Variants in EYS observed in about 807,000 individuals in gnomAD.
The protein encoded by EYS is EGF-like photoreceptor maintenance factor.
EYS carries 250 observed loss-of-function variants against 282.1 expected under a neutral mutation model. The ratio of observed to expected loss-of-function variants is 0.89; its 90% CI spans 0.80 to 0.98. The LOEUF (loss-of-function observed/expected upper bound fraction) is 0.98, where lower values mean the gene tolerates loss of function less well. Among genes scored for constraint, EYS ranks in the 50% least tolerant of loss-of-function variants. The pLI is 0.00. For missense variants in EYS, 4,016 were observed against 3,709.0 expected, an observed-to-expected ratio of 1.08 and a Z score of -2.15; for synonymous variants, 1,355 against 1,282.9, an observed-to-expected ratio of 1.06 and a Z score of -1.20.
In EYS at chr6:65,383,580, T is replaced by A. The variant is rs568954052; in HGVS notation, c.1299+806A>T. ...TTTCTTGTCTTATTTCTCAAAAAAA[T>A]TATTTTTTGAAAAAAAAAAGCTTTG... On this transcript the variant is annotated intron_variant, in intron 8 of 42. Transcript: ENST00000503581. Among the ~76,000 whole-genome samples, 6 of 151,766 alleles carry A rather than the reference T, an allele frequency of 4.0e-5. No homozygotes were observed. The East Asian group carries it at 5.8e-4, about 15-fold the overall frequency.
intron 33 of EYS, among the ~76,000 whole-genome samples, chr6:63,999,799 A>T (rs1362912277): frequency 2.6e-5 from 4 of 152,212 alleles, no homozygotes; most frequent in Non-Finnish European, 5.9e-5. Context: ...ACAACTGAAA[A>T]TTTATCAGAG....
intron 35 of EYS, among the ~76,000 whole-genome samples, chr6:63,914,524 C>G (rs1205946814): frequency 1.3e-5 from 2 of 152,228 alleles, no homozygotes; most frequent in East Asian, 3.9e-4. Context: ...GCCTGGCCAA[C>G]AGGGTGAAAC....
chr6:64,823,732 A>G (rs1764967221), intron 19 of EYS, among the ~76,000 whole-genome samples: 1 of 151,946 alleles, frequency 6.6e-6, no homozygotes, highest in Non-Finnish European at 1.5e-5. Flanking sequence ...TGAAACTTCC[A>G]GGTCACACAG....
chr6:63,915,508 A>G (rs1764399887), intron 35 of EYS, among the ~76,000 whole-genome samples: 1 of 152,222 alleles, frequency 6.6e-6, no homozygotes, highest in Non-Finnish European at 1.5e-5. Flanking sequence ...CCCATGAATT[A>G]AGGAGTATTT....
intron 31 of EYS, among the ~76,000 whole-genome samples, chr6:64,105,190 C>T (rs986922071): frequency 2.0e-5 from 3 of 151,990 alleles, no homozygotes; most frequent in African/African-American, 7.2e-5. Context: ...TTCCTACCCA[C>T]TCTATGGAAG....
intron 31 of EYS, among the ~76,000 whole-genome samples, chr6:64,158,062 G>T (rs1277825930): frequency 6.6e-6 from 1 of 152,216 alleles, no homozygotes; most frequent in Non-Finnish European, 1.5e-5. Flanking sequence ...GGGTGGAGCT[G>T]CCCAAGACCA....
intron 8 of EYS, among the ~76,000 whole-genome samples, chr6:65,377,601 A>T (rs1765422560): frequency 6.6e-6 from 1 of 152,144 alleles, no homozygotes; most frequent in East Asian, 1.9e-4. Context: ...TCTTTTGAAA[A>T]GATTAAAAAA....
chr6:65,606,568 T>C (rs895826422), intron 2 of EYS, among the ~76,000 whole-genome samples: 49 of 151,812 alleles, frequency 3.2e-4, no homozygotes, highest in African/African-American at 1.2e-3. Context: ...TTTTGGACAA[T>C]GACAATCGTA....
intron 7 of EYS, among the ~76,000 whole-genome samples, chr6:65,389,606 T>C (rs555626687): frequency 6.6e-6 from 1 of 152,240 alleles, no homozygotes; most frequent in South Asian, 2.1e-4. Flanking sequence ...AAAGTGTTCA[T>C]ATCCATGATA....
chr6:65,346,597 C>T (rs186116145), intron 9 of EYS, among the ~76,000 whole-genome samples: 8 of 151,040 alleles, frequency 5.3e-5, no homozygotes, highest in East Asian at 3.9e-4. Context: ...TATGAGAAAA[C>T]GAGGGGATCA....
chr6:65,580,089 A>G (rs1305224642), intron 2 of EYS, among the ~76,000 whole-genome samples: 1 of 152,154 alleles, frequency 6.6e-6, no homozygotes, highest in African/African-American at 2.4e-5. Flanking sequence ...TACAGACCTA[A>G]GACACATGCA....
intron 24 of EYS, among the ~76,000 whole-genome samples, 172 bp downstream of exon 24, chr6:64,617,246 G>C (rs778589510): frequency 2.1e-4 from 32 of 152,042 alleles, no homozygotes; most frequent in Admixed American, 5.9e-4. Flanking sequence ...AGTGATGCAC[G>C]GACAACAAGG....
At chr6:64,909,514 A>G (rs1338081169) in intron 16 of EYS, among the ~76,000 whole-genome samples, 2 of 152,124 alleles carry the variant, frequency 1.3e-5, no homozygotes, top group African/African-American at 4.8e-5. Context: ...GTGCCAAACT[A>G]ATAAGATTTT....
At chr6:64,238,558 C>A (rs1766687082) in intron 30 of EYS, among the ~76,000 whole-genome samples, 1 of 152,114 alleles carries the variant, frequency 6.6e-6, no homozygotes, top group Admixed American at 6.6e-5. Context: ...CTCCCCACTT[C>A]TGAGTCTCCA....
intron 29 of EYS, among the ~76,000 whole-genome samples, chr6:64,361,024 G>C (rs1403215679): frequency 6.6e-6 from 1 of 151,768 alleles, no homozygotes; most frequent in Non-Finnish European, 1.5e-5. Flanking sequence ...ATCTCAGGGA[G>C]AAACAAACAT....
chr6:65,497,821 T>C (rs1357604047), intron 2 of EYS, among the ~76,000 whole-genome samples: 2 of 152,042 alleles, frequency 1.3e-5, no homozygotes, highest in African/African-American at 4.8e-5. Flanking sequence ...AGGACCAACA[T>C]GTTGTGTCGT....
At chr6:64,862,781 A>G (rs746659991) in intron 19 of EYS, among the ~76,000 whole-genome samples, 1 of 152,144 alleles carries the variant, frequency 6.6e-6, no homozygotes, top group African/African-American at 2.4e-5. Context: ...AAGAAAATAT[A>G]TTATTCAATT....
chr6:65,569,349 G>A (rs1374114745), intron 2 of EYS, among the ~76,000 whole-genome samples: 2 of 152,046 alleles, frequency 1.3e-5, no homozygotes, highest in Non-Finnish European at 2.9e-5. Flanking sequence ...GCACCCAGAT[G>A]AAATAAACTG....
intron 22 of EYS, among the ~76,000 whole-genome samples, chr6:64,723,808 T>C (rs1210738482): frequency 6.6e-6 from 1 of 152,138 alleles, no homozygotes; most frequent in Non-Finnish European, 1.5e-5. Flanking sequence ...TCCATGGGTT[T>C]TGTCACAGCC....
Sources: allele counts gnomAD v4.1 joint callset (sites outside exome capture counted in the v4.1 genomes callset), GRCh38; gene constraint gnomAD v4.1.1; transcripts MANE v1.5; gene names NCBI Gene and HGNC (gene_info 2026-07-23, HGNC 2026-07-21).